Variants in CDKL2 observed in about 807,000 individuals in gnomAD.
CDKL2 encodes cyclin dependent kinase like 2, also known as cyclin-dependent kinase-like 2.
A neutral mutation model predicts 63.9 loss-of-function variants in CDKL2; 64 were observed. The observed-to-expected ratio is 1.00, with a 90% CI of 0.82 to 1.23. The LOEUF is 1.23. Ranked by LOEUF, CDKL2 falls within the 50% of genes most tolerant of loss-of-function variation. The pLI is 0.00. For missense variants in CDKL2, 656 were observed against 668.0 expected (o/e 0.98, Z 0.20); for synonymous variants, 211 against 229.2 (o/e 0.92, Z 0.72).
At chr4:75,599,127 G>A (rs1729064743) in intron 7 of CDKL2, among the ~76,000 whole-genome samples, 1 of 152,112 alleles carries the variant, frequency 6.6e-6, no homozygotes, top group Admixed American at 6.5e-5. Flanking sequence ...TTTTCCAAAT[G>A]ACTAAAGCAT....
intron 3 of CDKL2, among the ~76,000 whole-genome samples, chr4:75,612,313 G>T (rs1175247734): frequency 6.6e-6 from 1 of 152,116 alleles, no homozygotes; most frequent in Admixed American, 6.6e-5. Flanking sequence ...ACTCATGCCA[G>T]CAGTACTTGA....
At chr4:75,579,241 C>T (rs1442390331) in intron 13 of CDKL2, 63 bp from the exon 14 acceptor site, 1 of 152,208 alleles carries the variant, frequency 6.6e-6, no homozygotes, top group Non-Finnish European at 1.5e-5. Context: ...AAATTAATTT[C>T]TATCTCACTT....
intron 13 of CDKL2, among the ~76,000 whole-genome samples, chr4:75,579,383 C>T (rs1728159202): frequency 6.6e-6 from 1 of 152,158 alleles, no homozygotes. Context: ...TCAAAACTAT[C>T]TTGCGTATGG....
chr4:75,620,541 T>C (rs1226480503), intron 2 of CDKL2, among the ~76,000 whole-genome samples: 2 of 152,124 alleles, frequency 1.3e-5, no homozygotes, highest in Non-Finnish European at 2.9e-5. Context: ...TGAATACAAG[T>C]AGAAAAGCTG....
rs1729314149 is a variant in CDKL2 at position 75,603,933 on chromosome 4, C to T, written c.679G>A (p.Glu227Lys). 2 of 1,609,744 alleles carry T rather than the reference C, an allele frequency of 1.2e-6. No individual in the cohort carries two copies. The highest frequency in any genetic ancestry group is 1.7e-6 in the Non-Finnish European group (2 of 1,179,022). ...AACACAGGATTTTTATTAAAAAGCT[C>T]CTGATGCCTTGGAATTAGATTACCT... The part of the protein sequence containing the change: ...CLGNLIPRHQ[E>K]LFNKNPVFAG... Residue 227 changes from glutamate to lysine, a missense_variant, in exon 6 of 14, where the codon GAG becomes AAG. Physicochemically the swap from Glu to Lys is moderately conservative, Grantham distance 56. Transcript: ENST00000307465.
Position 75,619,577 on chromosome 4 carries a change from TA to T in CDKL2, c.169-5129del, listed in dbSNP as rs71203836. On this transcript the variant is annotated intron_variant, in intron 2 of 13. Transcript: ENST00000307465. ...ACATGGTGATGGGCTCACAGCTGTA[TA>T]AAAAAAAAAAAAAAAAAAAAAAAAG... Among the ~76,000 whole-genome samples the T allele has an allele frequency of 1.0e-2, 778 of 78,068 alleles. 4 individuals carry two copies. The highest frequency in any genetic ancestry group is 0.024 in the African/African-American group (554 of 22,992). The allele number at this position is 78,068 out of a possible 152,430, so 51.2% of individuals were successfully genotyped here. A position where few individuals can be genotyped will look rare whatever the true frequency, so the allele number is the denominator to read the frequency against.
chr4:75,590,313 A>G (rs1728662958), intron 12 of CDKL2, among the ~76,000 whole-genome samples: 1 of 152,232 alleles, frequency 6.6e-6, no homozygotes, highest in South Asian at 2.1e-4. Context: ...TTGGCAAGAG[A>G]TAAGGCAAAG....
chr4:75,597,031 C>A lies in CDKL2; in HGVS notation c.1226G>T (p.Ser409Ile). 6.2e-7 allele frequency: 1 copy of A among 1,614,172 alleles called. No homozygotes were observed. Among genetic ancestry groups the A allele is most frequent in the Non-Finnish European group, 8.5e-7 (1 of 1,180,012 alleles). The change falls in exon 9 of 14, where the codon AGC (serine) becomes ATC (isoleucine). Residue 409 changes from serine to isoleucine, a missense_variant. Physicochemically the swap from Ser to Ile is moderately radical, Grantham distance 142. Coordinates refer to ENST00000307465, the MANE Select transcript of CDKL2 (RefSeq NM_001330724.2). The stretch of plus-strand genomic sequence containing the variant: ...GTGTGTAAGTGGGGGAATTGCCACG[C>A]TTGGATTCCTTGTGTGGTCCACGCT... ...NVSVDHTRNP[S>I]VAIPPLTHNL...
At chr4:75,613,501 G>C (rs1042714783) in intron 3 of CDKL2, among the ~76,000 whole-genome samples, 1 of 151,864 alleles carries the variant, frequency 6.6e-6, no homozygotes, top group African/African-American at 2.4e-5. Context: ...TTGTAAAACT[G>C]GCAAAATCTA....
chr4:75,585,003 T>A (rs562028428), intron 12 of CDKL2, among the ~76,000 whole-genome samples: 8 of 152,064 alleles, frequency 5.3e-5, no homozygotes, highest in Non-Finnish European at 1.0e-4. Context: ...ACTGACAGAA[T>A]GTATACAAAG....
In CDKL2 at chr4:75,600,267, G is replaced by A. The variant is rs757015885; in HGVS notation, c.884+14C>T. On this transcript the variant is annotated intron_variant, in intron 7 of 13. Transcript: ENST00000307465. Reference sequence around the variant, plus strand: ...AGGTTGGTATGGCCTGAAAAACATGGGTAAGTACTATACCTCTCAGCAAAT... The same window carrying A: ...AGGTTGGTATGGCCTGAAAAACATGAGTAAGTACTATACCTCTCAGCAAAT... The A allele has an allele frequency of 1.3e-6, 2 of 1,571,490 alleles. No individual in the cohort carries two copies. The highest frequency in any genetic ancestry group is 3.4e-5 in the Admixed American group (2 of 58,626).
chr4:75,583,827 T>A (rs952185355), intron 12 of CDKL2, among the ~76,000 whole-genome samples: 2 of 151,478 alleles, frequency 1.3e-5, no homozygotes, highest in East Asian at 3.9e-4. Flanking sequence ...CTAAAAAAAA[T>A]ATAAAAAGAT....
At chr4:75,627,721 C>CTTTTCTTT (rs72152349) in intron 1 of CDKL2, among the ~76,000 whole-genome samples, 5 of 45,268 alleles carry the variant, frequency 1.1e-4, no homozygotes, top group South Asian at 7.4e-4. Context: ...TTTTTCTTTA[C>CTTTTCTTT]TTTTTTTTTC....
intron 10 of CDKL2, among the ~76,000 whole-genome samples, chr4:75,594,362 C>T (rs1325833450): frequency 6.6e-6 from 1 of 151,738 alleles, no homozygotes; most frequent in Non-Finnish European, 1.5e-5. Context: ...GCAGGAGAAT[C>T]GCTCAAATCT....
intron 6 of CDKL2, among the ~76,000 whole-genome samples, 174 bp downstream of exon 6, chr4:75,603,643 T>C (rs898786605): frequency 5.7e-5 from 8 of 140,148 alleles, no homozygotes; most frequent in Admixed American, 4.0e-4. Context: ...GGCGGAAGAA[T>C]GGTGAAGCTT....
rs778390488 is a variant in CDKL2 at position 75,625,808 on chromosome 4, T to C, written c.168+13A>G. On this transcript the variant is annotated intron_variant, in intron 2 of 13. Transcript: ENST00000307465. Reference sequence around the variant, plus strand: ...TACTCATATTTTTTGATTCAATATATGCATTTACTCACCTTTAGTAACTTG... The same window carrying C: ...TACTCATATTTTTTGATTCAATATACGCATTTACTCACCTTTAGTAACTTG... 6.3e-7 allele frequency: 1 copy of C among 1,594,632 alleles called. No homozygotes were observed. Among genetic ancestry groups the C allele is most frequent in the South Asian group, 1.1e-5 (1 of 87,982 alleles).
At chr4:75,582,195 A>G (rs147796071) in intron 12 of CDKL2, among the ~76,000 whole-genome samples, 1 of 152,330 alleles carries the variant, frequency 6.6e-6, no homozygotes, top group Non-Finnish European at 1.5e-5. Flanking sequence ...TCTACTTATT[A>G]CAAAAATACA....
Position 75,598,056 on chromosome 4 carries a change from AT to A in CDKL2, c.1020+20del. On this transcript the variant is annotated intron_variant, in intron 8 of 13. Transcript: ENST00000307465. ...AAAAAATAAGTATATTAAATCTAAA[AT>A]GTGAAACATGAACATTTACCTGTAC... The A allele has an allele frequency of 7.0e-7, 1 of 1,430,728 alleles. No individual in the cohort carries two copies. Among genetic ancestry groups the A allele is most frequent in the Non-Finnish European group, 9.4e-7 (1 of 1,062,998 alleles). 88.6% of individuals were successfully genotyped at this position (1,430,728 alleles called of 1,614,324 possible).
Position 75,614,491 on chromosome 4 carries a change from A to G in CDKL2, c.169-42T>C, listed in dbSNP as rs556192823. ...CAAAATAGCTGTTATTTAAAAATGC[A>G]AAATAGTTTATATAAACTAAGATCA... On this transcript the variant is annotated intron_variant, in intron 2 of 13. Transcript: ENST00000307465. The G allele has an allele frequency of 8.0e-6, 10 of 1,254,868 alleles. No homozygotes were observed. The Admixed American group carries it at 2.2e-4, about 28-fold the overall frequency. 77.7% of individuals were successfully genotyped at this position (1,254,868 alleles called of 1,614,324 possible). A position where few individuals can be genotyped will look rare whatever the true frequency, so the allele number is the denominator to read the frequency against.
Sources: gnomAD v4.1 joint callset for allele counts (sites outside exome capture counted in the v4.1 genomes callset) on GRCh38, gnomAD v4.1.1 for gene constraint, MANE v1.5 for transcripts, NCBI Gene and HGNC (gene_info 2026-07-23, HGNC 2026-07-21) for gene names.